POLQ: variants seen among roughly 807,000 people sequenced by gnomAD.
POLQ encodes the protein DNA polymerase theta.
POLQ carries 233 observed loss-of-function variants against 259.2 expected under a neutral mutation model. That is an observed-to-expected ratio of 0.90 (90% CI 0.81 to 1.00). POLQ has a LOEUF of 1.00. POLQ is among the 50% of genes least tolerant of loss of function. POLQ has a pLI of 0.00. For missense variants in POLQ, 2,871 were observed against 3,051.6 expected (o/e 0.94, Z 1.39); for synonymous variants, 1,025 against 1,048.8 (o/e 0.98, Z 0.44).
At position 121,472,025 on chromosome 3, in the gene POLQ, C is replaced by A; in HGVS notation, c.6683G>T (p.Arg2228Ile). The change falls in exon 22 of 30, where the codon AGA (arginine) becomes ATA (isoleucine). Residue 2228 changes from arginine (R) to isoleucine (I), a missense_variant. Transcript: ENST00000264233. ...GTGCGACTGTGATACAGGATAGATT[C>A]TTTCCATTCCAAGAAAAGGATTAAG... ...KCLNPFLGMERIYPVSQSHTA... is the reference protein window; with the variant it reads ...KCLNPFLGMEIIYPVSQSHTA... 1 of 1,578,260 alleles carries A rather than the reference C, an allele frequency of 6.3e-7. No homozygotes were observed. The highest frequency in any genetic ancestry group is 8.7e-7 in the Non-Finnish European group (1 of 1,155,016).
At position 121,488,216 on chromosome 3, in the gene POLQ, T is replaced by C. The variant is rs1474016212; in HGVS notation, c.4715A>G (p.Asn1572Ser). 1 of 1,613,376 alleles carries C rather than the reference T, an allele frequency of 6.2e-7. No homozygotes were observed. Among genetic ancestry groups the C allele is most frequent in the African/African-American group, 1.3e-5 (1 of 74,946 alleles). Residue 1572 changes from asparagine to serine, a missense_variant, in exon 16 of 30, where the codon AAT becomes AGT. Physicochemically the swap from Asn to Ser is conservative, Grantham distance 46 (BLOSUM62 1). Transcript: ENST00000264233. Reference protein sequence around the residue: ...DSVQMVEALDNVDIFPVQEKN... With the variant: ...DSVQMVEALDSVDIFPVQEKN... ...CTCTTGGACAGGAAATATATCCACA[T>C]TGTCCAAAGCTTCAACCATCTGAAC...
chr3:121,511,127 G>A (rs1161800640), intron 10 of POLQ, among the ~76,000 whole-genome samples: 1 of 151,696 alleles, frequency 6.6e-6, no homozygotes, highest in East Asian at 2.0e-4. Flanking sequence ...TCGGGAGGCT[G>A]AGGCAGGAGA....
In POLQ at chr3:121,432,389, T is replaced by G; in HGVS notation, c.7688A>C (p.Glu2563Ala). 1 of 1,608,844 alleles carries G rather than the reference T, an allele frequency of 6.2e-7. No individual in the cohort carries two copies. The highest frequency in any genetic ancestry group is 8.5e-7 in the Non-Finnish European group (1 of 1,177,756). ...QVAQIVKNEMESAVKLSVKLK... is the reference protein window; with the variant it reads ...QVAQIVKNEMASAVKLSVKLK... ...TTTCACAGACAGTTTTACAGCACTT[T>G]CCATTTCATTCTTGACAATCTGAGC... Residue 2563 changes from glutamate (E) to alanine (A), a missense_variant, in exon 30 of 30, where the codon GAA (glutamate) becomes GCA (alanine). By Grantham distance (107) the Glu-to-Ala change is moderately radical. Coordinates refer to ENST00000264233, the MANE Select transcript of POLQ (RefSeq NM_199420.4).
intron 14 of POLQ, chr3:121,494,325 G>A (rs1230083121): frequency 1.6e-5 from 26 of 1,597,890 alleles, no homozygotes; most frequent in Middle Eastern, 2.1e-4. Context: ...CTCTATAAGC[G>A]GCTGAAAGTG....
intron 22 of POLQ, among the ~76,000 whole-genome samples, chr3:121,471,062 T>C (rs994752999): frequency 6.6e-6 from 1 of 152,226 alleles, no homozygotes; most frequent in Non-Finnish European, 1.5e-5. Flanking sequence ...ATACCACCAA[T>C]CTAAACTGCC....
chr3:121,542,087 G>C (rs1399812612), intron 2 of POLQ, among the ~76,000 whole-genome samples: 1 of 149,922 alleles, frequency 6.7e-6, no homozygotes, highest in African/African-American at 2.5e-5. Context: ...AGTGAGCCGA[G>C]ATCACCCCAC....
At chr3:121,437,929 G>A (rs748384148) in intron 27 of POLQ, among the ~76,000 whole-genome samples, 54 of 152,070 alleles carry the variant, frequency 3.6e-4, no homozygotes, top group Non-Finnish European at 2.5e-4. Flanking sequence ...TCAAAAAAAT[G>A]CAAAACAAAA....
chr3:121,507,179 T>A (rs3856579), intron 12 of POLQ, among the ~76,000 whole-genome samples: 2,120 of 152,284 alleles, frequency 0.014, 51 homozygotes, highest in African/African-American at 0.049. Flanking sequence ...ACTATTCCTG[T>A]TTATATAGTT....
Position 121,472,169 on chromosome 3 carries a change from C to A in POLQ, c.6544-5G>T. 4 of 1,367,614 alleles carry A rather than the reference C, an allele frequency of 2.9e-6. No individual in the cohort carries two copies. Among genetic ancestry groups the A allele is most frequent in the South Asian group, 1.6e-5 (1 of 61,434 alleles). The allele number at this position is 1,367,614 out of a possible 1,614,324, so 84.7% of individuals were successfully genotyped here. ...CTTTAATTTATTTAAAACGTCCTGC[C>A]AAAAAAATATAAGGTAAGATTGAAT... On this transcript the variant is annotated splice_polypyrimidine_tract_variant and splice_region_variant and intron_variant, in intron 21 of 29. Coordinates refer to ENST00000264233, the MANE Select transcript of POLQ (RefSeq NM_199420.4).
intron 14 of POLQ, 142 bp from the exon 15 acceptor site, chr3:121,493,863 G>A: frequency 1.4e-6 from 1 of 698,140 alleles, no homozygotes; most frequent in African/African-American, 1.8e-5. Flanking sequence ...AAGTTAACAA[G>A]GGAGCAGATA....
chr3:121,494,625 T>C (rs1247705801), intron 14 of POLQ: 5 of 1,511,810 alleles, frequency 3.3e-6, no homozygotes, highest in Non-Finnish European at 4.5e-6. Flanking sequence ...TTGCCTGCCC[T>C]GTGTCGTAAA....
At chr3:121,491,378 A>T (rs1166861253) in intron 15 of POLQ, among the ~76,000 whole-genome samples, 2 of 150,952 alleles carry the variant, frequency 1.3e-5, no homozygotes, top group Non-Finnish European at 3.0e-5. Flanking sequence ...AAAAGACAAG[A>T]CAAGAAAGAA....
At chr3:121,482,892 G>C (rs149462244) in intron 18 of POLQ, among the ~76,000 whole-genome samples, 99 of 152,318 alleles carry the variant, frequency 6.5e-4, no homozygotes, top group African/African-American at 2.3e-3. Context: ...TCATTACGAA[G>C]AGTGCATCAT....
intron 25 of POLQ, among the ~76,000 whole-genome samples, chr3:121,454,502 G>C (rs2047713196): frequency 6.6e-6 from 1 of 152,106 alleles, no homozygotes. Context: ...CACGTGCAGA[G>C]ACACACATAG....
chr3:121,470,784 G>T (rs1399041211), intron 22 of POLQ, among the ~76,000 whole-genome samples: 1 of 152,002 alleles, frequency 6.6e-6, no homozygotes, highest in African/African-American at 2.4e-5. Context: ...CTAATTTTTT[G>T]ACTTTCTATA....
At chr3:121,512,363 A>T (rs2048262012) in intron 9 of POLQ, among the ~76,000 whole-genome samples, 1 of 152,226 alleles carries the variant, frequency 6.6e-6, no homozygotes, top group African/African-American at 2.4e-5. Flanking sequence ...CCTCTCCCAC[A>T]CAGGACAACA....
intron 12 of POLQ, among the ~76,000 whole-genome samples, chr3:121,499,109 TTAAAA>T (rs561799974): frequency 4.1e-3 from 623 of 151,994 alleles, no homozygotes; most frequent in Non-Finnish European, 7.6e-3. Context: ...ATAAAATTAC[TTAAAA>T]TAAAAAGACA....
rs545202244 is a variant in POLQ, at chr3:121,513,793, G to A, written c.1469-1764C>T. Among the ~76,000 whole-genome samples the A allele has an allele frequency of 3.9e-5, 6 of 151,920 alleles. No homozygotes were observed. The South Asian group carries it at 6.2e-4, about 16-fold the overall frequency. On this transcript the variant is annotated intron_variant, in intron 9 of 29. Transcript: ENST00000264233. ...AATCCCAGCATTTTGGGAGGCCAAG[G>A]AGTGTGGCTCACTTAGGTCAGGAGT...
Position 121,488,712 on chromosome 3 carries a change from C to A in POLQ, c.4219G>T (p.Val1407Phe), listed in dbSNP as rs913213661. The change falls in exon 16 of 30, where the codon GTT (valine) becomes TTT (phenylalanine). Residue 1407 changes from valine (V) to phenylalanine (F), a missense_variant. Val to Phe is a conservative substitution (Grantham distance 50, BLOSUM62 -1). Around this residue, in one of 3 missense-constraint regions of POLQ, gnomAD observed 2,080 missense variants for 2,126.0 expected, o/e 0.98. Coordinates refer to ENST00000264233, the MANE Select transcript of POLQ (RefSeq NM_199420.4). The part of the protein sequence containing the change: ...TMKQSSDSHG[V>F]DILTPESPIF... Reference sequence around the variant, plus strand: ...GGGCTTTCTGGAGTCAGGATATCAACCCCATGTGAATCACTGCTTTGTTTC... The same window carrying A: ...GGGCTTTCTGGAGTCAGGATATCAAACCCATGTGAATCACTGCTTTGTTTC... 6.2e-7 allele frequency: 1 copy of A among 1,613,928 alleles called. No homozygotes were observed. Among genetic ancestry groups the A allele is most frequent in the Non-Finnish European group, 8.5e-7 (1 of 1,179,900 alleles).
Sources: allele counts gnomAD v4.1 joint callset (sites outside exome capture counted in the v4.1 genomes callset), GRCh38; gene constraint gnomAD v4.1.1; regional missense constraint gnomAD v4.1.1; transcripts MANE v1.5; gene names NCBI Gene and HGNC (gene_info 2026-07-23, HGNC 2026-07-21).